STPG2: variants seen among roughly 807,000 people sequenced by gnomAD.
STPG2 encodes the protein sperm-tail PG-rich repeat-containing protein 2.
Under a neutral mutation model 54.2 loss-of-function variants are expected in STPG2, and 56 were observed. That is an observed-to-expected ratio of 1.03 (90% CI 0.83 to 1.29). The LOEUF is 1.29. STPG2 is among the 50% of genes most tolerant of loss of function. The pLI is 0.00. For missense variants in STPG2, 596 were observed against 544.9 expected, an observed-to-expected ratio of 1.09 and a Z score of -0.93; for synonymous variants, 200 against 181.8, an observed-to-expected ratio of 1.10 and a Z score of -0.81.
At chr4:97,613,391 G>T (rs1377592490) in intron 10 of STPG2, among the ~76,000 whole-genome samples, 1 of 151,878 alleles carries the variant, frequency 6.6e-6, no homozygotes, top group African/African-American at 2.4e-5. Flanking sequence ...TAATAAAAAG[G>T]TGAAATGCCC....
intron 7 of STPG2, among the ~76,000 whole-genome samples, chr4:97,960,191 C>T (rs1374259934): frequency 2.0e-5 from 3 of 152,006 alleles, no homozygotes; most frequent in African/African-American, 7.2e-5. Flanking sequence ...ATAGAAGGGA[C>T]AAATCTCAAT....
chr4:97,515,055 C>G (rs1234655127), intron 4 of STPG2, among the ~76,000 whole-genome samples: 2 of 151,844 alleles, frequency 1.3e-5, no homozygotes, highest in African/African-American at 4.8e-5. Context: ...AATTGATCAC[C>G]CTAAGATGAA....
chr4:98,029,087 G>C (rs549070267), intron 5 of STPG2, among the ~76,000 whole-genome samples: 1 of 152,032 alleles, frequency 6.6e-6, no homozygotes, highest in South Asian at 2.1e-4. Flanking sequence ...ATTAAAACTT[G>C]TTTTATTAAT....
At chr4:97,977,143 C>G (rs1012219827) in intron 6 of STPG2, among the ~76,000 whole-genome samples, 1 of 152,136 alleles carries the variant, frequency 6.6e-6, no homozygotes. Context: ...GACCCCTTGC[C>G]TCTCCACTAT....
chr4:97,864,178 T>TTATTGTA, intron 8 of STPG2, among the ~76,000 whole-genome samples: 1 of 152,310 alleles, frequency 6.6e-6, no homozygotes, highest in South Asian at 2.1e-4. Context: ...GCAGATGACA[T>TTATTGTA]TATTGTATAT....
intron 10 of STPG2, among the ~76,000 whole-genome samples, chr4:97,694,920 T>G (rs1377981321): frequency 6.8e-6 from 1 of 147,372 alleles, no homozygotes; most frequent in African/African-American, 2.5e-5. Context: ...CAAAGAAGAA[T>G]TAGTACCAAT....
At chr4:97,582,920 T>A (rs567549223) in intron 10 of STPG2, among the ~76,000 whole-genome samples, 35 of 152,202 alleles carry the variant, frequency 2.3e-4, no homozygotes, top group African/African-American at 7.7e-4. Context: ...TTACCAAGAA[T>A]GTGACAATTT....
chr4:97,579,848 G>A (rs1417683024), intron 10 of STPG2, among the ~76,000 whole-genome samples: 2 of 151,990 alleles, frequency 1.3e-5, no homozygotes, highest in East Asian at 1.9e-4. Context: ...TTTTACAATT[G>A]ACCAAATCTT....
intron 9 of STPG2, among the ~76,000 whole-genome samples, chr4:97,722,631 G>A (rs2149017192): frequency 6.6e-6 from 1 of 152,082 alleles, no homozygotes; most frequent in Non-Finnish European, 1.5e-5. Context: ...GAGGGAACAT[G>A]AGTCTTTCTG....
Position 97,674,757 on chromosome 4 carries a change from T to C in STPG2, c.1320+37942A>G, listed in dbSNP as rs369044117. On this transcript the variant is annotated intron_variant, in intron 10 of 10. Coordinates refer to ENST00000295268, the MANE Select transcript of STPG2 (RefSeq NM_174952.3). ...CCAAAGCAAGTATTCATTATTCATA[T>C]TCAAAATATGTATTTTCAAATAACT... 1.5e-4 allele frequency among the ~76,000 whole-genome samples: 23 copies of C among 152,324 alleles called. No homozygotes were observed. The East Asian group carries it at 2.3e-3, about 15-fold the overall frequency.
intron 5 of STPG2, among the ~76,000 whole-genome samples, chr4:98,051,832 A>G (rs1454969902): frequency 6.6e-6 from 1 of 152,018 alleles, no homozygotes; most frequent in Non-Finnish European, 1.5e-5. Flanking sequence ...CGCTGGGCGC[A>G]GTGGCTCAAG....
intron 9 of STPG2, among the ~76,000 whole-genome samples, chr4:97,726,048 G>A (rs1724614387): frequency 6.6e-6 from 1 of 151,768 alleles, no homozygotes; most frequent in Non-Finnish European, 1.5e-5. Context: ...ATAAAGTCCT[G>A]CCACCACCTC....
At chr4:97,903,886 T>C (rs1240473852) in intron 8 of STPG2, among the ~76,000 whole-genome samples, 1 of 152,174 alleles carries the variant, frequency 6.6e-6, no homozygotes, top group African/African-American at 2.4e-5. Flanking sequence ...ACTGCGCTTT[T>C]CCAACGGGCT....
intron 5 of STPG2, among the ~76,000 whole-genome samples, chr4:98,008,239 A>G (rs1423656030): frequency 6.6e-6 from 1 of 152,124 alleles, no homozygotes; most frequent in Non-Finnish European, 1.5e-5. Context: ...AACTAACAGC[A>G]GACTTCTCAG....
intron 10 of STPG2, among the ~76,000 whole-genome samples, chr4:97,710,187 T>C (rs923704000): frequency 3.3e-5 from 5 of 151,956 alleles, no homozygotes; most frequent in African/African-American, 9.7e-5. Context: ...TCAATGATAG[T>C]AATCCAATAA....
intron 8 of STPG2, among the ~76,000 whole-genome samples, chr4:97,909,128 A>G (rs1484281717): frequency 6.6e-6 from 1 of 151,130 alleles, no homozygotes; most frequent in Admixed American, 6.6e-5. Context: ...AAACAAAAAC[A>G]AACAGAAAGA....
In STPG2 at chr4:97,740,767, C is replaced by T. The variant is rs562925544; in HGVS notation, c.1205-27953G>A. 9.9e-5 allele frequency among the ~76,000 whole-genome samples: 15 copies of T among 152,252 alleles called. No homozygotes were observed. In the South Asian group the frequency reaches 2.3e-3, roughly 23 times the overall value. On this transcript the variant is annotated intron_variant, in intron 9 of 10. Coordinates refer to ENST00000295268, the MANE Select transcript of STPG2 (RefSeq NM_174952.3). The stretch of plus-strand genomic sequence containing the variant: ...GCTCATGAGTAGGAAGAATCAATAT[C>T]GTGAAAATGGCAATACTGCCCAAGG...
chr4:97,926,088 G>A (rs911502300), intron 8 of STPG2, among the ~76,000 whole-genome samples: 7 of 152,008 alleles, frequency 4.6e-5, no homozygotes, highest in Non-Finnish European at 1.0e-4. Flanking sequence ...ACTGATCATA[G>A]GCCCTCTCTA....
chr4:98,114,487 T>C (rs1423422074), intron 3 of STPG2, among the ~76,000 whole-genome samples: 2 of 152,124 alleles, frequency 1.3e-5, no homozygotes, highest in African/African-American at 4.8e-5. Flanking sequence ...AAAATCAGTA[T>C]TTTAAAATAC....
Sources: allele counts gnomAD v4.1 joint callset (sites outside exome capture counted in the v4.1 genomes callset), GRCh38; gene constraint gnomAD v4.1.1; transcripts MANE v1.5; gene names NCBI Gene and HGNC (gene_info 2026-07-23, HGNC 2026-07-21).